Variants in CLVS1 observed in about 807,000 individuals in gnomAD.
CLVS1 encodes the protein clavesin-1.
CLVS1 carries 10 observed loss-of-function variants against 33.1 expected under a neutral mutation model. The ratio of observed to expected loss-of-function variants is 0.30; its 90% CI spans 0.19 to 0.51. CLVS1 has a LOEUF of 0.51. Ranked by LOEUF, CLVS1 falls within the 20% of genes least tolerant of loss-of-function variation. CLVS1 has a pLI of 0.97. For missense variants in CLVS1, 343 were observed against 433.4 expected, an observed-to-expected ratio of 0.79 and a Z score of 1.85; for synonymous variants, 163 against 166.1, an observed-to-expected ratio of 0.98 and a Z score of 0.14.
At chr8:61,426,404 C>T (rs1007555046) in intron 3 of CLVS1, among the ~76,000 whole-genome samples, 1 of 152,162 alleles carries the variant, frequency 6.6e-6, no homozygotes, top group Non-Finnish European at 1.5e-5. Context: ...GTCTTATTTT[C>T]CCAAATAGAT....
chr8:60,978,224 CT>C, the CLVS1 span, among the ~76,000 whole-genome samples: 1 of 152,176 alleles, frequency 6.6e-6, no homozygotes, highest in Non-Finnish European at 1.5e-5. Flanking sequence ...AGAAAGAGCA[CT>C]GGCTAAGGTA....
intron 5 of CLVS1, among the ~76,000 whole-genome samples, chr8:61,474,620 A>C (rs1817847069): frequency 6.6e-6 from 1 of 152,162 alleles, no homozygotes; most frequent in African/African-American, 2.4e-5. Flanking sequence ...AGGAGAGGGA[A>C]CAATTGATAA....
intron 2 of CLVS1, among the ~76,000 whole-genome samples, chr8:61,171,877 G>A (rs1014584986): frequency 2.0e-5 from 3 of 152,194 alleles, no homozygotes; most frequent in African/African-American, 7.2e-5. Context: ...TCAGGTTACT[G>A]TGGTGTGGAA....
intron 1 of CLVS1, among the ~76,000 whole-genome samples, chr8:61,065,448 A>T (rs1477176379): frequency 6.6e-6 from 1 of 152,172 alleles, no homozygotes; most frequent in Non-Finnish European, 1.5e-5. Flanking sequence ...GAGGGGCACA[A>T]ATAAAGGTTT....
chr8:61,451,505 T>G (rs1816950534), intron 3 of CLVS1, among the ~76,000 whole-genome samples: 1 of 152,172 alleles, frequency 6.6e-6, no homozygotes, highest in Admixed American at 6.5e-5. Context: ...ACTTAGAGTA[T>G]GTTGGTGCAT....
rs145006108 is a variant in CLVS1, at chr8:61,345,832, T to A, written c.456-30773T>A. 2.2e-3 allele frequency among the ~76,000 whole-genome samples: 328 copies of A among 152,144 alleles called. 1 individual carries two copies. The highest frequency in any genetic ancestry group is 4.0e-3 in the Non-Finnish European group (273 of 67,976). ...GGGCTGTAGATGGTGGCAGCAGGTGTCAGAGAAATGAGATCTTGTGGCTGG... is the reference window on the plus strand; with the variant it reads ...GGGCTGTAGATGGTGGCAGCAGGTGACAGAGAAATGAGATCTTGTGGCTGG... On this transcript the variant is annotated intron_variant, in intron 2 of 5. Coordinates refer to ENST00000325897, the MANE Select transcript of CLVS1 (RefSeq NM_173519.3).
intron 1 of CLVS1, among the ~76,000 whole-genome samples, chr8:61,296,665 G>A (rs984584545): frequency 6.6e-6 from 1 of 152,160 alleles, no homozygotes; most frequent in Non-Finnish European, 1.5e-5. Flanking sequence ...TCTCATTTAA[G>A]GATAAACTGT....
chr8:61,440,254 T>G (rs1374780625), intron 3 of CLVS1, among the ~76,000 whole-genome samples: 2 of 152,242 alleles, frequency 1.3e-5, no homozygotes, highest in African/African-American at 4.8e-5. Context: ...AGAACCTCTA[T>G]AATGTTATCA....
chr8:61,294,849 T>C (rs773814975), intron 1 of CLVS1, among the ~76,000 whole-genome samples: 1 of 152,214 alleles, frequency 6.6e-6, no homozygotes, highest in Non-Finnish European at 1.5e-5. Context: ...AATATTTTTA[T>C]GCTTAAACTC....
chr8:61,018,113 T>C, the CLVS1 span, among the ~76,000 whole-genome samples: 2 of 152,156 alleles, frequency 1.3e-5, no homozygotes, highest in African/African-American at 4.8e-5. Flanking sequence ...CAATCTCACA[T>C]CATTGGCAAG....
chr8:61,323,650 CTT>C (rs543497983), intron 2 of CLVS1, among the ~76,000 whole-genome samples: 1 of 149,260 alleles, frequency 6.7e-6, no homozygotes, highest in Non-Finnish European at 1.5e-5. Flanking sequence ...AGCAGTAACT[CTT>C]TTTTTTTTCA....
intron 5 of CLVS1, among the ~76,000 whole-genome samples, chr8:61,495,190 T>C (rs1309514468): frequency 6.6e-6 from 1 of 152,172 alleles, no homozygotes; most frequent in East Asian, 1.9e-4. Context: ...ATAATTTTTT[T>C]CTTCATTCCT....
At chr8:60,981,787 C>T in the CLVS1 span, among the ~76,000 whole-genome samples, 4 of 152,246 alleles carry the variant, frequency 2.6e-5, no homozygotes, top group African/African-American at 4.8e-5. Flanking sequence ...GCCGGGAGGC[C>T]GAGGATGGCA....
intron 2 of CLVS1, among the ~76,000 whole-genome samples, chr8:61,230,056 A>G (rs1053312238): frequency 6.6e-6 from 1 of 152,176 alleles, no homozygotes; most frequent in Admixed American, 6.5e-5. Flanking sequence ...TCTGTTACCA[A>G]TGATCCTTAC....
chr8:61,394,944 A>G (rs901043685), intron 3 of CLVS1, among the ~76,000 whole-genome samples: 2 of 152,184 alleles, frequency 1.3e-5, no homozygotes, highest in Non-Finnish European at 2.9e-5. Context: ...GATGTTGAGC[A>G]TTTTGTCATA....
chr8:61,413,531 C>T (rs1815314668), intron 3 of CLVS1, among the ~76,000 whole-genome samples: 1 of 152,126 alleles, frequency 6.6e-6, no homozygotes, highest in South Asian at 2.1e-4. Context: ...CACGATCGTC[C>T]CCTTACCTAC....
At chr8:61,383,161 T>C (rs1425724393) in intron 3 of CLVS1, among the ~76,000 whole-genome samples, 1 of 152,242 alleles carries the variant, frequency 6.6e-6, no homozygotes, top group African/African-American at 2.4e-5. Context: ...GAGTTCCTTA[T>C]TTCTGCTCAC....
chr8:61,156,801 T>C (rs546142493), intron 2 of CLVS1, among the ~76,000 whole-genome samples: 1 of 152,268 alleles, frequency 6.6e-6, no homozygotes, highest in Non-Finnish European at 1.5e-5. Flanking sequence ...AAAATAAAAA[T>C]TGGTCAGGCC....
In CLVS1 at chr8:61,499,443, C is replaced by T. The variant is rs1450323064; in HGVS notation, c.978-12C>T. ...GTTTGTAATTCTGTCTTTTTCCCTCCCCTCTTGTTAGATCTCAGTCTGTGG... is the reference window on the plus strand; with the variant it reads ...GTTTGTAATTCTGTCTTTTTCCCTCTCCTCTTGTTAGATCTCAGTCTGTGG... On this transcript the variant is annotated splice_polypyrimidine_tract_variant and intron_variant, in intron 5 of 5. Transcript: ENST00000325897. 1.3e-6 allele frequency: 2 copies of T among 1,593,804 alleles called. No individual in the cohort carries two copies. The highest frequency in any genetic ancestry group is 1.3e-5 in the African/African-American group (1 of 74,578).
Sources: allele counts gnomAD v4.1 joint callset (sites outside exome capture counted in the v4.1 genomes callset), GRCh38; gene constraint gnomAD v4.1.1; transcripts MANE v1.5; gene names NCBI Gene and HGNC (gene_info 2026-07-23, HGNC 2026-07-21).